The following MRPL15 variants were observed in gnomAD, a reference collection of about 807,000 sequenced individuals.
MRPL15 encodes large ribosomal subunit protein uL15m.
In MRPL15, 24 loss-of-function variants were observed where a neutral mutation model predicts 28.0. The ratio of observed to expected loss-of-function variants is 0.86; its 90% CI spans 0.62 to 1.21. The LOEUF (loss-of-function observed/expected upper bound fraction) is 1.21. MRPL15 is among the 50% of genes most tolerant of loss of function. The probability of loss-of-function intolerance (pLI) is 0.00; values close to 1 mark genes in which losing one functional copy is unlikely to be tolerated. For missense variants in MRPL15, 343 were observed against 372.4 expected, an observed-to-expected ratio of 0.92 and a Z score of 0.65; for synonymous variants, 124 against 137.0, an observed-to-expected ratio of 0.90 and a Z score of 0.66.
intron 3 of MRPL15, among the ~76,000 whole-genome samples, chr8:54,141,128 G>A (rs1810918428): frequency 6.6e-6 from 1 of 152,108 alleles, no homozygotes; most frequent in African/African-American, 2.4e-5. Flanking sequence ...GGATAAGGAA[G>A]ATTAGTTTTT....
chr8:54,144,663 C>T (rs1343790928), intron 4 of MRPL15, among the ~76,000 whole-genome samples: 7 of 151,860 alleles, frequency 4.6e-5, no homozygotes, highest in African/African-American at 1.2e-4. Context: ...CCCAACTACT[C>T]GGGAGACTAA....
Position 54,135,304 on chromosome 8 carries a change from C to A in MRPL15, c.21C>A (p.Gly7=), listed in dbSNP as rs1395663636. Residue 7 remains glycine (G), a synonymous_variant, in exon 1 of 5, where the codon GGC becomes GGA. Transcript: ENST00000260102. ...GGGTTATGGCCGGTCCCTTGCAGGG[C>A]GGTGGGGCCCGGGCCCTGGACCTAC... The part of the protein sequence containing the change: MAGPLQ[G]GGARALDLLR... 7.1e-7 allele frequency: 1 copy of A among 1,409,870 alleles called. No homozygotes were observed. The highest frequency in any genetic ancestry group is 1.5e-5 in the South Asian group (1 of 65,090). 87.3% of individuals were successfully genotyped at this position (1,409,870 alleles called of 1,614,324 possible). A position where few individuals can be genotyped will look rare whatever the true frequency, so the allele number is the denominator to read the frequency against.
At chr8:54,136,060 T>C (rs1810823478) in intron 1 of MRPL15, among the ~76,000 whole-genome samples, 1 of 152,248 alleles carries the variant, frequency 6.6e-6, no homozygotes, top group Non-Finnish European at 1.5e-5. Context: ...AACAGTCAGT[T>C]CATTGCTTTC....
Position 54,142,790 on chromosome 8 carries a change from A to T in MRPL15, c.553+4A>T. ...TTCTATGATCCAAGAAGTCTGGGTA[A>T]GTTTGTTCCACGGTCATTTTCTTCT... On this transcript the variant is annotated splice_donor_region_variant and intron_variant, in intron 4 of 4. Coordinates refer to ENST00000260102, the MANE Select transcript of MRPL15 (RefSeq NM_014175.4). The T allele has an allele frequency of 6.2e-7, 1 of 1,612,556 alleles. No homozygotes were observed. Among genetic ancestry groups the T allele is most frequent in the Non-Finnish European group, 8.5e-7 (1 of 1,179,674 alleles).
In MRPL15 at chr8:54,144,776, C is replaced by CA. The variant is rs34125157; in HGVS notation, c.553+2000dup. On this transcript the variant is annotated intron_variant, in intron 4 of 4. Coordinates refer to ENST00000260102, the MANE Select transcript of MRPL15 (RefSeq NM_014175.4). ...GCTGGGTGGCAAAGTGAGACTGTCT[C>CA]AAAAAAAAAACAAAAAAAATTTGCC... Among the ~76,000 whole-genome samples, 33 of 147,366 alleles carry CA rather than the reference C, an allele frequency of 2.2e-4. No individual in the cohort carries two copies. The East Asian group carries it at 2.5e-3, about 11-fold the overall frequency.
chr8:54,137,878 AT>A (rs1477476698), intron 3 of MRPL15, among the ~76,000 whole-genome samples: 1 of 151,898 alleles, frequency 6.6e-6, no homozygotes, highest in African/African-American at 2.4e-5. Flanking sequence ...GAAAGCTGTC[AT>A]ACTATCATGG....
chr8:54,142,960 ACC>A, intron 4 of MRPL15, 174 bp downstream of exon 4: 3 of 946,540 alleles, frequency 3.2e-6, no homozygotes, highest in Admixed American at 2.9e-5. Context: ...TGACACATAC[ACC>A]AAGGGCAAAA....
At chr8:54,142,864 T>C in intron 4 of MRPL15, 78 bp downstream of exon 4, 1 of 1,565,298 alleles carries the variant, frequency 6.4e-7, no homozygotes, top group East Asian at 2.2e-5. Flanking sequence ...ACTTAGTGAA[T>C]GGCAAATGTT....
intron 3 of MRPL15, among the ~76,000 whole-genome samples, chr8:54,141,375 A>G (rs1230420768): frequency 6.6e-6 from 1 of 152,188 alleles, no homozygotes; most frequent in East Asian, 1.9e-4. Flanking sequence ...CCATCTATGA[A>G]GTCGGGATAG....
intron 3 of MRPL15, among the ~76,000 whole-genome samples, chr8:54,138,672 G>T (rs1810869953): frequency 1.3e-5 from 2 of 152,046 alleles, no homozygotes; most frequent in African/African-American, 4.8e-5. Flanking sequence ...TGCTTCAGGA[G>T]TCACAGTGTT....
Position 54,148,299 on chromosome 8 carries a change from T to C in MRPL15, c.*580T>C, listed in dbSNP as rs540913512. On this transcript the variant is annotated 3_prime_UTR_variant, in exon 5 of 5. Transcript: ENST00000260102. ...AAACAAAAATTACAAATGAATTTAT[T>C]TTCTCAATTCTGTGGTAGAAGTGTT... is the stretch of plus-strand genomic sequence containing the variant. 1.3e-4 allele frequency among the ~76,000 whole-genome samples: 20 copies of C among 152,330 alleles called. No individual in the cohort carries two copies. In the South Asian group the frequency reaches 3.7e-3, roughly 28 times the overall value.
In MRPL15 at chr8:54,136,562, A is replaced by G; in HGVS notation, c.160A>G (p.Lys54Glu). 1 of 1,614,232 alleles carries G rather than the reference A, an allele frequency of 6.2e-7. No individual in the cohort carries two copies. Among genetic ancestry groups the G allele is most frequent in the Non-Finnish European group, 8.5e-7 (1 of 1,180,040 alleles). ...RRGRKCGRGH[K>E]GERQRGTRPR... The stretch of plus-strand genomic sequence containing the variant: ...AGGTAGAAAATGTGGCAGAGGCCAT[A>G]AAGGAGAAAGGCAAAGAGGAACCCG... Residue 54 changes from lysine (K) to glutamate (E), a missense_variant, in exon 2 of 5, where the codon AAA becomes GAA. Lys to Glu is a moderately conservative substitution (Grantham distance 56). Coordinates refer to ENST00000260102, the MANE Select transcript of MRPL15 (RefSeq NM_014175.4).
At chr8:54,136,362 G>C (rs6473911) in intron 1 of MRPL15, 149 bp from the exon 2 acceptor site, 197,658 of 781,448 alleles carry the variant, frequency 0.25, 35,916 homozygotes, top group East Asian at 0.7. Flanking sequence ...AGTGTGTGGA[G>C]CTTTGAGCAA....
At chr8:54,141,054 C>A (rs190531803) in intron 3 of MRPL15, among the ~76,000 whole-genome samples, 1 of 151,900 alleles carries the variant, frequency 6.6e-6, no homozygotes, top group East Asian at 1.9e-4. Flanking sequence ...ATTTTCTGTT[C>A]TTCCACCTGC....
intron 3 of MRPL15, 111 bp downstream of exon 3, chr8:54,137,544 C>A: frequency 2.1e-6 from 2 of 945,534 alleles, no homozygotes; most frequent in Non-Finnish European, 3.1e-6. Flanking sequence ...GCTCCTGCAA[C>A]CTCCACCTCA....
In MRPL15 at chr8:54,147,731, A is replaced by G; in HGVS notation, c.*12A>G. Reference sequence around the variant, plus strand: ...ATTATACCTCATGAATTCCCGTCCAAGGAAGCAGAGTTGTTAAAGAGTACT... The same window carrying G: ...ATTATACCTCATGAATTCCCGTCCAGGGAAGCAGAGTTGTTAAAGAGTACT... On this transcript the variant is annotated 3_prime_UTR_variant, in exon 5 of 5. Transcript: ENST00000260102. 1 of 1,590,434 alleles carries G rather than the reference A, an allele frequency of 6.3e-7. No homozygotes were observed. The highest frequency in any genetic ancestry group is 1.1e-5 in the South Asian group (1 of 87,534).
At chr8:54,142,600 T>C (rs1171255436) in intron 3 of MRPL15, 63 bp from the exon 4 acceptor site, 1 of 1,576,960 alleles carries the variant, frequency 6.3e-7, no homozygotes, top group Non-Finnish European at 8.6e-7. Context: ...AAAAGGAAGC[T>C]TGACATAATT....
At position 54,147,879 on chromosome 8, in the gene MRPL15, G is replaced by A; in HGVS notation, c.*160G>A. On this transcript the variant is annotated 3_prime_UTR_variant, in exon 5 of 5. Transcript: ENST00000260102. ...ATTTTCATCTAAAATTAAATGGCAGGAAACAAGGACTGCATAGAGAAACTG... is the reference window on the plus strand; with the variant it reads ...ATTTTCATCTAAAATTAAATGGCAGAAAACAAGGACTGCATAGAGAAACTG... 1.5e-6 allele frequency: 1 copy of A among 658,318 alleles called. No individual in the cohort carries two copies. Among genetic ancestry groups the A allele is most frequent in the Non-Finnish European group, 2.5e-6 (1 of 403,928 alleles). The allele number at this position is 658,318 out of a possible 1,614,324, so 40.8% of individuals were successfully genotyped here.
chr8:54,137,327 G>A lies in MRPL15; in HGVS notation c.323G>A (p.Gly108Asp), dbSNP rs144260791. The A allele has an allele frequency of 1.9e-4, 304 of 1,614,050 alleles. 4 individuals are homozygous for A. The South Asian group carries it at 2.8e-3, about 15-fold the overall frequency. Reference sequence around the variant, plus strand: ...AGACTGCAGTATCTTATTGATTTGGGTCGTGTTGATCCTAGTCAACCTATT... The same window carrying A: ...AGACTGCAGTATCTTATTGATTTGGATCGTGTTGATCCTAGTCAACCTATT... The part of the protein sequence containing the change: ...LNRLQYLIDL[G>D]RVDPSQPIDL... Residue 108 changes from glycine (G) to aspartate (D), a missense_variant, in exon 3 of 5, where the codon GGT becomes GAT. Physicochemically the swap from Gly to Asp is moderately conservative, Grantham distance 94 (BLOSUM62 -1). Coordinates refer to ENST00000260102, the MANE Select transcript of MRPL15 (RefSeq NM_014175.4).
Sources: allele counts gnomAD v4.1 joint callset (sites outside exome capture counted in the v4.1 genomes callset), GRCh38; gene constraint gnomAD v4.1.1; transcripts MANE v1.5; gene names NCBI Gene and HGNC (gene_info 2026-07-23, HGNC 2026-07-21).